CSMD3: variants seen among roughly 807,000 people sequenced by gnomAD.
The protein encoded by CSMD3 is CUB and sushi domain-containing protein 3.
CSMD3 carries 177 observed loss-of-function variants against 435.2 expected under a neutral mutation model. The ratio of observed to expected loss-of-function variants is 0.41; its 90% CI spans 0.36 to 0.46. The LOEUF is 0.46. Among genes scored for constraint, CSMD3 ranks in the 20% least tolerant of loss-of-function variants. CSMD3 has a pLI of 0.34. For missense variants in CSMD3, 4,265 were observed against 4,504.6 expected (o/e 0.95, Z 1.52); for synonymous variants, 1,656 against 1,520.5 (o/e 1.09, Z -2.07).
chr8:112,591,530 T>C (rs755549818), intron 22 of CSMD3, among the ~76,000 whole-genome samples: 1 of 152,124 alleles, frequency 6.6e-6, no homozygotes, highest in African/African-American at 2.4e-5. Flanking sequence ...TCTAGATCAG[T>C]AAACTTCATA....
chr8:113,355,770 GGT>G (rs368397249), intron 1 of CSMD3, among the ~76,000 whole-genome samples: 11 of 10,368 alleles, frequency 1.1e-3, no homozygotes, highest in Admixed American at 2.4e-3. Flanking sequence ...ACACACACGG[GGT>G]GTGTGTGTGT....
intron 32 of CSMD3, among the ~76,000 whole-genome samples, chr8:112,415,991 G>T (rs1475059444): frequency 6.6e-6 from 1 of 152,166 alleles, no homozygotes; most frequent in African/African-American, 2.4e-5. Flanking sequence ...TTTCAGATGA[G>T]ACTTTGAACT....
intron 10 of CSMD3, among the ~76,000 whole-genome samples, chr8:112,882,111 A>G (rs112790974): frequency 2.6e-5 from 4 of 152,078 alleles, no homozygotes; most frequent in African/African-American, 9.6e-5. Context: ...GCCTTAGCAT[A>G]AAACTATCAT....
chr8:113,334,909 T>C (rs1271099908), intron 1 of CSMD3, among the ~76,000 whole-genome samples: 2 of 152,084 alleles, frequency 1.3e-5, no homozygotes, highest in African/African-American at 4.8e-5. Flanking sequence ...TGTAGTGATA[T>C]CTCTCCTTTT....
intron 54 of CSMD3, among the ~76,000 whole-genome samples, chr8:112,292,923 G>A (rs1819916165): frequency 6.6e-6 from 1 of 152,070 alleles, no homozygotes; most frequent in Non-Finnish European, 1.5e-5. Flanking sequence ...TTAGTAAATA[G>A]AAAATTATTT....
chr8:112,848,723 T>C (rs1411442605), intron 11 of CSMD3, among the ~76,000 whole-genome samples: 1 of 152,084 alleles, frequency 6.6e-6, no homozygotes, highest in Admixed American at 6.5e-5. Flanking sequence ...AATTTAAAGA[T>C]GAGAAAACTG....
chr8:112,343,001 T>TA (rs1554647587), intron 41 of CSMD3, among the ~76,000 whole-genome samples: 13 of 109,674 alleles, frequency 1.2e-4, no homozygotes, highest in African/African-American at 3.2e-4. Flanking sequence ...ATATATATAT[T>TA]TATATATATA....
At chr8:112,746,232 C>T (rs2077422817) in intron 13 of CSMD3, among the ~76,000 whole-genome samples, 1 of 152,108 alleles carries the variant, frequency 6.6e-6, no homozygotes, top group African/African-American at 2.4e-5. Context: ...GGAGTTCACC[C>T]CTCTCTTTGC....
intron 9 of CSMD3, among the ~76,000 whole-genome samples, chr8:112,926,231 T>G (rs1234055459): frequency 8.7e-6 from 1 of 114,528 alleles, no homozygotes. Context: ...AAACTTACAC[T>G]CATTAAATAT....
At chr8:112,880,142 A>G (rs1229441861) in intron 10 of CSMD3, among the ~76,000 whole-genome samples, 1 of 152,100 alleles carries the variant, frequency 6.6e-6, no homozygotes, top group Non-Finnish European at 1.5e-5. Flanking sequence ...AATTAAATGC[A>G]ATAAAAAGGC....
chr8:112,254,175 A>G (rs878885408), intron 63 of CSMD3, 78 bp downstream of exon 63: 2 of 984,806 alleles, frequency 2.0e-6, no homozygotes, highest in Admixed American at 3.4e-5. Flanking sequence ...TTGTTATGTC[A>G]ACAAGATTAT....
intron 22 of CSMD3, among the ~76,000 whole-genome samples, chr8:112,611,897 A>C (rs1291860055): frequency 1.3e-5 from 2 of 152,188 alleles, no homozygotes; most frequent in Non-Finnish European, 2.9e-5. Context: ...ATTACATTTT[A>C]AACCATTGAT....
chr8:112,556,060 G>A (rs1828087309), intron 25 of CSMD3, among the ~76,000 whole-genome samples: 1 of 150,442 alleles, frequency 6.6e-6, no homozygotes, highest in Non-Finnish European at 1.5e-5. Context: ...TTCCTTTGTT[G>A]TCCTAGTATT....
intron 22 of CSMD3, among the ~76,000 whole-genome samples, chr8:112,602,107 C>T (rs1192016815): frequency 3.9e-5 from 6 of 152,078 alleles, no homozygotes; most frequent in Admixed American, 3.9e-4. Flanking sequence ...GCAAATAAGC[C>T]AAACATTCTT....
intron 58 of CSMD3, 26 bp downstream of exon 58, chr8:112,287,038 T>C (rs1819275110): frequency 6.3e-7 from 1 of 1,586,024 alleles, no homozygotes; most frequent in Non-Finnish European, 8.7e-7. Context: ...GTAGTTGCAA[T>C]ATATTTAATT....
At chr8:112,259,018 T>G (rs1268796311) in intron 61 of CSMD3, among the ~76,000 whole-genome samples, 2 of 151,494 alleles carry the variant, frequency 1.3e-5, no homozygotes, top group African/African-American at 4.9e-5. Flanking sequence ...CAGCCTGGGC[T>G]ACAGAGCGAG....
In CSMD3 at chr8:112,685,648, C is replaced by T. The variant is rs2131805316; in HGVS notation, c.2240G>A (p.Cys747Tyr). The part of the protein sequence containing the change: ...YPEGYGNNLN[C>Y]IWTIISDPGS... ...TGGATCAGAGATTATCGTCCAGATG[C>T]AATTTAAATTATTTCCATACCCTTC... The change falls in exon 15 of 71, where the codon TGC (cysteine) becomes TAC (tyrosine). Residue 747 changes from cysteine to tyrosine, a missense_variant. Physicochemically the swap from Cys to Tyr is radical, Grantham distance 194. This residue lies in a region of CSMD3 where 279 missense variants were observed against 369.0 expected (regional missense o/e 0.76). Transcript: ENST00000297405. 1 of 1,613,572 alleles carries T rather than the reference C, an allele frequency of 6.2e-7. No homozygotes were observed. Among genetic ancestry groups the T allele is most frequent in the Non-Finnish European group, 8.5e-7 (1 of 1,179,530 alleles).
chr8:112,650,420 T>A (rs750151044), intron 18 of CSMD3, 71 bp from the exon 19 acceptor site: 4 of 1,191,286 alleles, frequency 3.4e-6, no homozygotes, highest in Non-Finnish European at 5.0e-6. Flanking sequence ...TAATTCCTAG[T>A]TCTTCAAACA....
At chr8:113,228,953 T>C (rs1563575525) in intron 3 of CSMD3, among the ~76,000 whole-genome samples, 3 of 151,594 alleles carry the variant, frequency 2.0e-5, no homozygotes, top group Non-Finnish European at 4.4e-5. Context: ...CTCCCACCAC[T>C]TAAATATCTA....
Sources: gnomAD v4.1 joint callset for allele counts (sites outside exome capture counted in the v4.1 genomes callset) on GRCh38, gnomAD v4.1.1 for gene constraint, gnomAD v4.1.1 regional missense constraint, MANE v1.5 for transcripts, NCBI Gene and HGNC (gene_info 2026-07-23, HGNC 2026-07-21) for gene names.